Variants in KMT2A observed in about 807,000 individuals in gnomAD.
KMT2A encodes lysine methyltransferase 2A, also known as histone-lysine N-methyltransferase 2A.
In KMT2A, 16 loss-of-function variants were observed where a neutral mutation model predicts 345.3. The observed-to-expected ratio is 0.05, with a 90% CI of 0.03 to 0.07. The LOEUF is 0.07. Among genes scored for constraint, KMT2A ranks in the 10% least tolerant of loss-of-function variants. KMT2A has a pLI of 1.00. For missense variants in KMT2A, 3,272 were observed against 4,841.6 expected, an observed-to-expected ratio of 0.68 and a Z score of 9.62; for synonymous variants, 1,599 against 1,778.6, an observed-to-expected ratio of 0.90 and a Z score of 2.54.
chr11:118,472,098 G>A lies in KMT2A; in HGVS notation c.939G>A (p.Lys313=). The A allele has an allele frequency of 6.2e-7, 1 of 1,613,966 alleles. No homozygotes were observed. Among genetic ancestry groups the A allele is most frequent in the South Asian group, 1.1e-5 (1 of 91,080 alleles). The change falls in exon 3 of 36, where the codon AAG becomes AAA. Residue 313 remains lysine, a synonymous_variant. Coordinates refer to ENST00000534358, the MANE Select transcript of KMT2A (RefSeq NM_001197104.2). The part of the protein sequence containing the change: ...RGRPPSTERI[K]TPSGLLINSE... ...GGCCTCCATCAACAGAAAGGATAAA[G>A]ACCCCTTCGGGTCTCCTCATTAATT...
At position 118,494,223 on chromosome 11, in the gene KMT2A, G is replaced by A; in HGVS notation, c.5179-65G>A. 1 of 820,038 alleles carries A rather than the reference G, an allele frequency of 1.2e-6. No individual in the cohort carries two copies. The highest frequency in any genetic ancestry group is 1.4e-5 in the South Asian group (1 of 69,566). 50.8% of individuals were successfully genotyped at this position (820,038 alleles called of 1,614,324 possible). A position where few individuals can be genotyped will look rare whatever the true frequency, so the allele number is the denominator to read the frequency against. Reference sequence around the variant, plus strand: ...TCTCTGTGCTGGATGATTAAGGAGGGAAGAGGAAATGGTTTTCAGAGCACA... The same window carrying A: ...TCTCTGTGCTGGATGATTAAGGAGGAAAGAGGAAATGGTTTTCAGAGCACA... On this transcript the variant is annotated intron_variant, in intron 16 of 35. Coordinates refer to ENST00000534358, the MANE Select transcript of KMT2A (RefSeq NM_001197104.2). This position sits in a 1 kb window ranked among gnomAD's most constrained non-coding sequence, Gnocchi z 5.8.
At position 118,506,629 on chromosome 11, in the gene KMT2A, C is replaced by T. The variant is rs1421567281; in HGVS notation, c.10737C>T (p.Ser3579=). 6.2e-7 allele frequency: 1 copy of T among 1,602,894 alleles called. No homozygotes were observed. Among genetic ancestry groups the T allele is most frequent in the African/African-American group, 1.3e-5 (1 of 74,766 alleles). ...EAHIPDQETT[S]LTSGTGTPGA... The stretch of plus-strand genomic sequence containing the variant: ...ACATTCCAGACCAAGAAACGACATC[C>T]CTGACCTCAGGCACAGGGTGAGAGA... The change falls in exon 27 of 36, where the codon TCC becomes TCT. Residue 3579 remains serine (S), a synonymous_variant. Transcript: ENST00000534358.
At chr11:118,452,493 C>G (rs1949559179) in intron 1 of KMT2A, among the ~76,000 whole-genome samples, 1 of 152,184 alleles carries the variant, frequency 6.6e-6, no homozygotes, top group Admixed American at 6.5e-5. Flanking sequence ...GATCATACCA[C>G]TGCACTCCAG....
Position 118,520,747 on chromosome 11 carries a change from A to G in KMT2A, c.11430-55A>G, listed in dbSNP as rs529963620. The G allele has an allele frequency of 1.5e-6, 2 of 1,303,664 alleles. No homozygotes were observed. The highest frequency in any genetic ancestry group is 1.1e-6 in the Non-Finnish European group (1 of 897,296). 80.8% of individuals were successfully genotyped at this position (1,303,664 alleles called of 1,614,324 possible). A position where few individuals can be genotyped will look rare whatever the true frequency, so the allele number is the denominator to read the frequency against. On this transcript the variant is annotated intron_variant, in intron 33 of 35. Transcript: ENST00000534358. The surrounding 1 kb of genome is among the most constrained non-coding windows in gnomAD (Gnocchi z 4.3). ...TGTCTCTAGGAACCTTCGATTCAAG[A>G]CTCAAAACATTATTTCCTGAAAAAA...
intron 1 of KMT2A, among the ~76,000 whole-genome samples, chr11:118,441,821 C>T (rs1949319669): frequency 6.6e-6 from 1 of 152,212 alleles, no homozygotes; most frequent in Non-Finnish European, 1.5e-5. Context: ...AATCATCATT[C>T]ACACAATAGT....
Position 118,521,119 on chromosome 11 carries a change from A to G in KMT2A, c.11514-169A>G, listed in dbSNP as rs1950958389. ...GGGTCACAGAATGGAAATAACTTTCATCTTTGGCCATGTGTTAGATGGCCA... is the reference window on the plus strand; with the variant it reads ...GGGTCACAGAATGGAAATAACTTTCGTCTTTGGCCATGTGTTAGATGGCCA... On this transcript the variant is annotated intron_variant, in intron 34 of 35. Transcript: ENST00000534358. This position sits in a 1 kb window ranked among gnomAD's most constrained non-coding sequence, Gnocchi z 5.3. The G allele has an allele frequency of 4.2e-6, 3 of 718,038 alleles. No individual in the cohort carries two copies. The South Asian group carries it at 5.5e-5, about 13-fold the overall frequency. The allele number at this position is 718,038 out of a possible 1,614,324, so 44.5% of individuals were successfully genotyped here. A position where few individuals can be genotyped will look rare whatever the true frequency, so the allele number is the denominator to read the frequency against.
chr11:118,475,946 C>T (rs1950030069), intron 3 of KMT2A, among the ~76,000 whole-genome samples: 1 of 151,984 alleles, frequency 6.6e-6, no homozygotes, highest in African/African-American at 2.4e-5. Flanking sequence ...GCTCTTGTTG[C>T]CCAGGCTGGA....
rs972722684 is a variant in KMT2A at position 118,520,744 on chromosome 11, A to G, written c.11430-58A>G. 12 of 1,281,378 alleles carry G rather than the reference A, an allele frequency of 9.4e-6. No individual in the cohort carries two copies. The East Asian group carries it at 2.8e-4, about 30-fold the overall frequency. The allele number at this position is 1,281,378 out of a possible 1,614,324, so 79.4% of individuals were successfully genotyped here. ...AATTGTCTCTAGGAACCTTCGATTC[A>G]AGACTCAAAACATTATTTCCTGAAA... On this transcript the variant is annotated intron_variant, in intron 33 of 35. Transcript: ENST00000534358. The surrounding 1 kb of genome is among the most constrained non-coding windows in gnomAD (Gnocchi z 4.3).
chr11:118,488,646 C>T lies in KMT2A; in HGVS notation c.4365C>T (p.Phe1455=), dbSNP rs1565291793. The change falls in exon 11 of 36, where the codon TTC becomes TTT. Residue 1455 remains phenylalanine, a synonymous_variant. Coordinates refer to ENST00000534358, the MANE Select transcript of KMT2A (RefSeq NM_001197104.2). ...FVYCQVCCEP[F]HKFCLEENER... ...ATTGCCAAGTCTGTTGTGAGCCCTT[C>T]CACAAGTTTTGTTTAGAGGAGAACG... The T allele has an allele frequency of 6.2e-7, 1 of 1,613,958 alleles. No individual in the cohort carries two copies. The highest frequency in any genetic ancestry group is 2.2e-5 in the East Asian group (1 of 44,876).
At chr11:118,454,160 T>A (rs1949595879) in intron 1 of KMT2A, among the ~76,000 whole-genome samples, 2 of 152,252 alleles carry the variant, frequency 1.3e-5, no homozygotes, top group Middle Eastern at 3.4e-3. Context: ...GTTTCTCACA[T>A]AGCAACAGTA....
Position 118,497,520 on chromosome 11 carries a change from T to C in KMT2A, c.5665-416T>C, listed in dbSNP as rs1159315332. On this transcript the variant is annotated intron_variant, in intron 20 of 35. Transcript: ENST00000534358. This position sits in a 1 kb window ranked among gnomAD's most constrained non-coding sequence, Gnocchi z 4.8. ...AAGTGATCCTCCTACCTCAGCCTCCTGAGTAGCTGAGACCACAGATGCGCA... is the reference window on the plus strand; with the variant it reads ...AAGTGATCCTCCTACCTCAGCCTCCCGAGTAGCTGAGACCACAGATGCGCA... 6.6e-6 allele frequency among the ~76,000 whole-genome samples: 1 copy of C among 152,032 alleles called. No homozygotes were observed. Among genetic ancestry groups the C allele is most frequent in the Admixed American group, 6.6e-5 (1 of 15,256 alleles).
chr11:118,502,468 C>T lies in KMT2A; in HGVS notation c.6576C>T (p.Ser2192=), dbSNP rs201483860. 117 of 1,613,950 alleles carry T rather than the reference C, an allele frequency of 7.2e-5. 1 individual carries two copies. The East Asian group carries it at 2.5e-3, about 35-fold the overall frequency. The part of the protein sequence containing the change: ...GDPLLSSGLR[S]IGSRRHSTSS... ...CTTTACTCTCCTCTGGACTTCGAAG[C>T]ATTGGCTCCAGGCGTCACAGTACCT... Residue 2192 remains serine, a synonymous_variant, in exon 27 of 36, where the codon AGC becomes AGT. Coordinates refer to ENST00000534358, the MANE Select transcript of KMT2A (RefSeq NM_001197104.2). This position sits in a 1 kb window ranked among gnomAD's most constrained non-coding sequence, Gnocchi z 4.9.
chr11:118,484,188 A>T lies in KMT2A; in HGVS notation c.4092A>T (p.Lys1364Asn). The T allele has an allele frequency of 6.2e-7, 1 of 1,613,972 alleles. No individual in the cohort carries two copies. The highest frequency in any genetic ancestry group is 8.5e-7 in the Non-Finnish European group (1 of 1,179,982). The change falls in exon 9 of 36, where the codon AAA becomes AAT. Residue 1364 changes from lysine (K) to asparagine (N), a missense_variant. By Grantham distance (94) the Lys-to-Asn change is moderately conservative. This residue lies in a region of KMT2A where 168 missense variants were observed against 216.0 expected (regional missense o/e 0.78). Coordinates refer to ENST00000534358, the MANE Select transcript of KMT2A (RefSeq NM_001197104.2). The surrounding 1 kb of genome is among the most constrained non-coding windows in gnomAD (Gnocchi z 4.1). ...PVKQKPKEKE[K>N]PPPVNKQENA... ...TTCATCTTTTGTCTCCTTAGGAAAA[A>T]CCACCTCCGGTCAATAAGCAGGAGA...
At chr11:118,469,080 C>T (rs1414503296) in intron 2 of KMT2A, among the ~76,000 whole-genome samples, 11 of 152,112 alleles carry the variant, frequency 7.2e-5, no homozygotes, top group African/African-American at 1.9e-4. Context: ...CATGCTGGTG[C>T]GCTGCACCCA....
At chr11:118,485,106 T>G in intron 10 of KMT2A, 131 bp downstream of exon 10, 1 of 671,242 alleles carries the variant, frequency 1.5e-6, no homozygotes. Flanking sequence ...AGAAATGTTT[T>G]GAAGTATTTT....
In KMT2A at chr11:118,503,636, T is replaced by G; in HGVS notation, c.7744T>G (p.Ser2582Ala). 1 of 1,614,030 alleles carries G rather than the reference T, an allele frequency of 6.2e-7. No homozygotes were observed. The highest frequency in any genetic ancestry group is 1.6e-4 in the Middle Eastern group (1 of 6,062). The change falls in exon 27 of 36, where the codon TCA becomes GCA. Residue 2582 changes from serine (S) to alanine (A), a missense_variant. Physicochemically the swap from Ser to Ala is moderately conservative, Grantham distance 99. Coordinates refer to ENST00000534358, the MANE Select transcript of KMT2A (RefSeq NM_001197104.2). This position sits in a 1 kb window ranked among gnomAD's most constrained non-coding sequence, Gnocchi z 5.3. ...GGCCCAACCAAGCCCCAATAATACCTCATGCCAGGATTCTCAAAGTAACAA... is the reference window on the plus strand; with the variant it reads ...GGCCCAACCAAGCCCCAATAATACCGCATGCCAGGATTCTCAAAGTAACAA... ...PVAQPSPNNTSCQDSQSNNYQ... is the reference protein window; with the variant it reads ...PVAQPSPNNTACQDSQSNNYQ...
rs78590081 is a variant in KMT2A at position 118,490,104 on chromosome 11, T to C, written c.4576-25T>C. On this transcript the variant is annotated intron_variant, in intron 12 of 35. Transcript: ENST00000534358. This position sits in a 1 kb window ranked among gnomAD's most constrained non-coding sequence, Gnocchi z 4.2. The stretch of plus-strand genomic sequence containing the variant: ...AGATATTAAAAACAAGAAATTCCTA[T>C]TGAATTTCTTTTCTTCTTTTCTAGA... 2.7e-5 allele frequency: 43 copies of C among 1,593,082 alleles called. No homozygotes were observed. The highest frequency in any genetic ancestry group is 3.4e-5 in the Non-Finnish European group (40 of 1,172,654).
chr11:118,489,231 CAAAAA>C (rs11412289), intron 11 of KMT2A, among the ~76,000 whole-genome samples: 2 of 90,636 alleles, frequency 2.2e-5, no homozygotes, highest in African/African-American at 4.5e-5. Flanking sequence ...GACTCCATCT[CAAAAA>C]AAAAAAAAAA....
chr11:118,499,089 A>G (rs1950457000), intron 22 of KMT2A, among the ~76,000 whole-genome samples: 1 of 152,252 alleles, frequency 6.6e-6, no homozygotes, highest in African/African-American at 2.4e-5. Context: ...CAAAAGAAAA[A>G]CAAAAATACA....
Sources: gnomAD v4.1 joint callset for allele counts (sites outside exome capture counted in the v4.1 genomes callset) on GRCh38, gnomAD v4.1.1 for gene constraint, gnomAD v4.1.1 regional missense constraint, Gnocchi (gnomAD v3.1) non-coding constraint, MANE v1.5 for transcripts, NCBI Gene and HGNC (gene_info 2026-07-23, HGNC 2026-07-21) for gene names.